Variants in SYBU observed in about 807,000 individuals in gnomAD.
SYBU encodes the protein syntabulin.
In SYBU, 21 loss-of-function variants were observed where a neutral mutation model predicts 35.9. The observed-to-expected ratio is 0.58, with a 90% CI of 0.41 to 0.84. The LOEUF is 0.84. SYBU is among the 40% of genes least tolerant of loss of function. The probability of loss-of-function intolerance (pLI) is 0.00; values close to 1 mark genes in which losing one functional copy is unlikely to be tolerated. For synonymous variants in SYBU, 319 were observed against 324.3 expected, an observed-to-expected ratio of 0.98 and a Z score of 0.18; for missense variants, 768 against 848.2, an observed-to-expected ratio of 0.91 and a Z score of 1.17.
At chr8:109,689,178 T>C (rs1817587761) in intron 1 of SYBU, among the ~76,000 whole-genome samples, 1 of 152,212 alleles carries the variant, frequency 6.6e-6, no homozygotes, top group African/African-American at 2.4e-5. Context: ...CACAGGAAGT[T>C]GTAAAGATAG....
intron 1 of SYBU, among the ~76,000 whole-genome samples, chr8:109,667,185 C>T (rs1028187084): frequency 1.3e-4 from 20 of 151,654 alleles, no homozygotes; most frequent in African/African-American, 4.4e-4. Context: ...GGTGTGATCT[C>T]GGCTCACTGA....
At chr8:109,647,876 A>G (rs1374651092), upstream of SYBU, 1 of 152,224 alleles carries the variant, frequency 6.6e-6, no homozygotes, top group Non-Finnish European at 1.5e-5. Context: ...TTTAGTGTTC[A>G]GATGCCTCTT....
chr8:109,644,892 T>C, upstream of SYBU: 1 of 561,380 alleles, frequency 1.8e-6, no homozygotes, highest in Non-Finnish European at 3.2e-6. Flanking sequence ...AGGCAGCTCC[T>C]GGGGCGCCTC....
intron 1 of SYBU, among the ~76,000 whole-genome samples, chr8:109,668,157 G>A (rs142687851): frequency 0.02 from 1,558 of 79,562 alleles, 57 homozygotes; most frequent in African/African-American, 0.072. Flanking sequence ...AGGCAGAGGG[G>A]GAGAGGGGGA....
chr8:109,589,790 C>T (rs1176359484), intron 3 of SYBU, among the ~76,000 whole-genome samples: 2 of 152,170 alleles, frequency 1.3e-5, no homozygotes, highest in Non-Finnish European at 2.9e-5. Flanking sequence ...AATCTGGTCT[C>T]TTAGGACATT....
At chr8:109,610,859 A>G (rs774850584) in intron 3 of SYBU, among the ~76,000 whole-genome samples, 6 of 151,854 alleles carry the variant, frequency 4.0e-5, no homozygotes, top group Non-Finnish European at 7.4e-5. Context: ...TGGTAACTCT[A>G]CCCTCCTCTT....
intron 2 of SYBU, among the ~76,000 whole-genome samples, chr8:109,625,145 A>T (rs1232099300): frequency 6.6e-6 from 1 of 152,076 alleles, no homozygotes; most frequent in Non-Finnish European, 1.5e-5. Context: ...TTAAAAAAAA[A>T]AGTTATGCAT....
At chr8:109,578,832 T>G (rs896100035) in intron 5 of SYBU, among the ~76,000 whole-genome samples, 1 of 152,216 alleles carries the variant, frequency 6.6e-6, no homozygotes, top group African/African-American at 2.4e-5. Context: ...ATTTGCTGAA[T>G]GCAAGTTGTT....
At chr8:109,624,135 A>G (rs1384957849) in intron 2 of SYBU, among the ~76,000 whole-genome samples, 1 of 152,144 alleles carries the variant, frequency 6.6e-6, no homozygotes, top group Non-Finnish European at 1.5e-5. Flanking sequence ...AGAATAATAA[A>G]TGCAAGTGAC....
At chr8:109,590,674 G>A (rs1267854904) in intron 3 of SYBU, among the ~76,000 whole-genome samples, 1 of 150,566 alleles carries the variant, frequency 6.6e-6, no homozygotes, top group Non-Finnish European at 1.5e-5. Flanking sequence ...TGGGAAAATA[G>A]CAAGGTCAAA....
At chr8:109,657,254 T>C (rs185486396) in intron 1 of SYBU, among the ~76,000 whole-genome samples, 8 of 152,332 alleles carry the variant, frequency 5.3e-5, no homozygotes, top group African/African-American at 1.9e-4. Context: ...GCTCTATTAT[T>C]GCCCTTTATT....
At chr8:109,647,773 G>C (rs1331546358), upstream of SYBU, 1 of 152,250 alleles carries the variant, frequency 6.6e-6, no homozygotes, top group African/African-American at 2.4e-5. Flanking sequence ...CATGTGTTCA[G>C]TGACAGCTTT....
chr8:109,589,537 G>A (rs1823986622), intron 3 of SYBU, among the ~76,000 whole-genome samples: 1 of 152,182 alleles, frequency 6.6e-6, no homozygotes, highest in Non-Finnish European at 1.5e-5. Context: ...GCTGCAGAAG[G>A]CACTTTTCCA....
chr8:109,659,064 G>A (rs1816467620), intron 1 of SYBU, among the ~76,000 whole-genome samples: 1 of 152,172 alleles, frequency 6.6e-6, no homozygotes, highest in South Asian at 2.1e-4. Context: ...TCTCACTCAT[G>A]TAGAACTTAC....
intron 1 of SYBU, among the ~76,000 whole-genome samples, chr8:109,689,532 A>G (rs1394263940): frequency 6.6e-6 from 1 of 152,028 alleles, no homozygotes; most frequent in African/African-American, 2.4e-5. Context: ...GGGTCCCACC[A>G]TGTTGTCCAG....
At chr8:109,660,806 A>G (rs1351936946) in intron 1 of SYBU, among the ~76,000 whole-genome samples, 1 of 152,070 alleles carries the variant, frequency 6.6e-6, no homozygotes, top group Non-Finnish European at 1.5e-5. Context: ...TTTTTTACTT[A>G]TGACAAATAA....
chr8:109,682,239 G>C (rs188184801), upstream of SYBU, among the ~76,000 whole-genome samples: 206 of 152,328 alleles, frequency 1.4e-3, 1 homozygote, highest in Middle Eastern at 3.4e-3. Context: ...CTCAGAAGAA[G>C]ACAGGAAAAT....
intron 1 of SYBU, among the ~76,000 whole-genome samples, chr8:109,676,793 A>C (rs1817206788): frequency 6.6e-6 from 1 of 152,238 alleles, no homozygotes; most frequent in Admixed American, 6.5e-5. Context: ...AATGACTTAA[A>C]TATTGTCTTC....
At chr8:109,617,540 G>T (rs1481980654) in intron 3 of SYBU, among the ~76,000 whole-genome samples, 2 of 152,116 alleles carry the variant, frequency 1.3e-5, no homozygotes, top group East Asian at 3.9e-4. Context: ...TAGCCCTTGG[G>T]TACACAAGGT....
Sources: allele counts gnomAD v4.1 joint callset (sites outside exome capture counted in the v4.1 genomes callset), GRCh38; gene constraint gnomAD v4.1.1; transcripts MANE v1.5; gene names NCBI Gene and HGNC (gene_info 2026-07-23, HGNC 2026-07-21).